DPEP1: variants seen among roughly 807,000 people sequenced by gnomAD.
The protein encoded by DPEP1 is beta-lactamase.
In DPEP1, 50 loss-of-function variants were observed where a neutral mutation model predicts 42.3. That is an observed-to-expected ratio of 1.18 (90% CI 0.94 to 1.50). The LOEUF is 1.50. Ranked by LOEUF, DPEP1 falls within the 40% of genes most tolerant of loss-of-function variation. The pLI is 0.00. For synonymous variants in DPEP1, 297 were observed against 234.0 expected, an observed-to-expected ratio of 1.27 and a Z score of -2.46; for missense variants, 663 against 553.0, an observed-to-expected ratio of 1.20 and a Z score of -1.99.
chr16:89,614,334 C>T, intron 1 of DPEP1, among the ~76,000 whole-genome samples: 1 of 152,190 alleles, frequency 6.6e-6, no homozygotes. Context: ...CGTACCCCTT[C>T]CTCCAGGAAG....
intron 5 of DPEP1, 56 bp downstream of exon 5, chr16:89,636,739 C>T: frequency 6.2e-7 from 1 of 1,603,982 alleles, no homozygotes. Context: ...AGGGGGCAGA[C>T]ACTCCCTGCC....
In DPEP1 at chr16:89,638,290, C is replaced by T; in HGVS notation, c.*68C>T. On this transcript the variant is annotated 3_prime_UTR_variant, in exon 11 of 11. Transcript: ENST00000690203. ...GGGAAGACCCGCCCATCCCAGGACT[C>T]CAGATGCCAGGAGCCCTGCTGCCCA... is the stretch of plus-strand genomic sequence containing the variant. 1.4e-6 allele frequency: 2 copies of T among 1,468,574 alleles called. No individual in the cohort carries two copies. The highest frequency in any genetic ancestry group is 1.8e-6 in the Non-Finnish European group (2 of 1,111,884). The allele number at this position is 1,468,574 out of a possible 1,614,324, so 91.0% of individuals were successfully genotyped here.
chr16:89,625,877 G>A lies in DPEP1; in HGVS notation c.-106-4428G>A, dbSNP rs900343252. Among the ~76,000 whole-genome samples, 8 of 152,140 alleles carry A rather than the reference G, an allele frequency of 5.3e-5. No homozygotes were observed. The East Asian group carries it at 9.6e-4, about 18-fold the overall frequency. On this transcript the variant is annotated intron_variant, in intron 1 of 10. Coordinates refer to ENST00000690203, the MANE Select transcript of DPEP1 (RefSeq NM_001389466.1). ...CGAGAAATTGAACCAGCTCACCCAC[G>A]CTGCCCTTGAACAGTGGTCGTGAGA... is the stretch of plus-strand genomic sequence containing the variant.
chr16:89,616,691 C>G (rs1021750132), intron 1 of DPEP1, among the ~76,000 whole-genome samples: 2 of 152,040 alleles, frequency 1.3e-5, no homozygotes, highest in African/African-American at 2.4e-5. Context: ...CTTCTCCCCT[C>G]AGCACACTCC....
downstream of DPEP1, among the ~76,000 whole-genome samples, chr16:89,640,803 TAAAGACACAAGAC>T: frequency 6.6e-6 from 1 of 152,062 alleles, no homozygotes; most frequent in South Asian, 2.1e-4. Context: ...ATCATAGAAA[TAAAGACACAAGAC>T]AAAGAGAAGA....
At chr16:89,632,073 C>T (rs2059595537) in intron 2 of DPEP1, among the ~76,000 whole-genome samples, 1 of 152,130 alleles carries the variant, frequency 6.6e-6, no homozygotes, top group Non-Finnish European at 1.5e-5. Context: ...GACAGAGTCT[C>T]ACTCTGTCAC....
intron 1 of DPEP1, chr16:89,616,758 C>T (rs558507028): frequency 1.5e-4 from 42 of 273,468 alleles, no homozygotes; most frequent in South Asian, 1.2e-3. Context: ...AGGCAGAGAG[C>T]GACCAGGAAG....
At chr16:89,627,563 A>G (rs1255348109) in intron 1 of DPEP1, among the ~76,000 whole-genome samples, 1 of 146,106 alleles carries the variant, frequency 6.8e-6, no homozygotes, top group African/African-American at 2.5e-5. Context: ...TGACCTACTG[A>G]GACTCTGTCT....
intron 2 of DPEP1, among the ~76,000 whole-genome samples, chr16:89,635,454 G>C (rs1015877432): frequency 6.6e-6 from 1 of 152,144 alleles, no homozygotes; most frequent in Non-Finnish European, 1.5e-5. Flanking sequence ...AGGTCAGGCC[G>C]TTCCAATTAC....
At chr16:89,639,683 C>G (rs549703930), downstream of DPEP1, among the ~76,000 whole-genome samples, 54 of 151,946 alleles carry the variant, frequency 3.6e-4, no homozygotes, top group African/African-American at 1.2e-3. Context: ...CAGAACCACT[C>G]TCTTCATCCA....
At chr16:89,635,082 CT>C (rs202071780) in intron 2 of DPEP1, among the ~76,000 whole-genome samples, 2 of 30,916 alleles carry the variant, frequency 6.5e-5, no homozygotes, top group Admixed American at 2.9e-4. Context: ...TCCCTTCCTT[CT>C]CCTTTCCCTT....
chr16:89,639,603 C>G (rs1419319265), downstream of DPEP1, among the ~76,000 whole-genome samples: 5 of 150,072 alleles, frequency 3.3e-5, no homozygotes, highest in African/African-American at 1.2e-4. Context: ...CCCACCCCTG[C>G]ACGCACACCC....
At chr16:89,614,064 C>G (rs942752987) in intron 1 of DPEP1, among the ~76,000 whole-genome samples, 2 of 149,590 alleles carry the variant, frequency 1.3e-5, no homozygotes, top group African/African-American at 4.9e-5. Context: ...GCAGGGGACG[C>G]GGCTGCTTCC....
At chr16:89,631,218 G>T (rs1022567482) in intron 2 of DPEP1, among the ~76,000 whole-genome samples, 1 of 152,112 alleles carries the variant, frequency 6.6e-6, no homozygotes, top group Non-Finnish European at 1.5e-5. Context: ...CCTGTGCTGC[G>T]CTGTGTGCCC....
chr16:89,621,048 T>C (rs1490406524), intron 1 of DPEP1, among the ~76,000 whole-genome samples: 2 of 151,420 alleles, frequency 1.3e-5, no homozygotes, highest in Non-Finnish European at 2.9e-5. Flanking sequence ...AGGGTGAGGC[T>C]CTCAGAGGAT....
downstream of DPEP1, among the ~76,000 whole-genome samples, chr16:89,641,389 T>G (rs1033161466): frequency 6.6e-6 from 1 of 152,204 alleles, no homozygotes. Context: ...AGTGGCCCTG[T>G]CCGGGCGTAA....
Position 89,637,888 on chromosome 16 carries a change from C to T in DPEP1, c.982C>T (p.Leu328=), listed in dbSNP as rs757472011. The T allele has an allele frequency of 1.2e-6, 2 of 1,612,720 alleles. No homozygotes were observed. Among genetic ancestry groups the T allele is most frequent in the East Asian group, 2.2e-5 (1 of 44,868 alleles). The change falls in exon 10 of 11, where the codon CTG becomes TTG. Residue 328 remains leucine (L), a synonymous_variant. Transcript: ENST00000690203. ...CAAGTATCCAGACCTGATCGCTGAG[C>T]TGCTCAGGAGGAACTGGACGGAGGC... The part of the protein sequence containing the change: ...VSKYPDLIAE[L]LRRNWTEAEV...
intron 1 of DPEP1, among the ~76,000 whole-genome samples, chr16:89,624,812 G>A (rs918295155): frequency 4.6e-5 from 7 of 152,184 alleles, no homozygotes; most frequent in African/African-American, 1.7e-4. Context: ...TGGGATGACA[G>A]GTGTGAGCCA....
chr16:89,622,389 G>A (rs1467095435), intron 1 of DPEP1, among the ~76,000 whole-genome samples: 2 of 152,142 alleles, frequency 1.3e-5, no homozygotes, highest in Admixed American at 1.3e-4. Flanking sequence ...CTTTCCCACC[G>A]CAACTCTGCC....
Sources: allele counts gnomAD v4.1 joint callset (sites outside exome capture counted in the v4.1 genomes callset), GRCh38; gene constraint gnomAD v4.1.1; transcripts MANE v1.5; gene names NCBI Gene and HGNC (gene_info 2026-07-23, HGNC 2026-07-21).